EXOC4: variants seen among roughly 807,000 people sequenced by gnomAD.
EXOC4 encodes the protein exocyst complex component 4, also known as SEC8-like 1.
EXOC4 carries 71 observed loss-of-function variants against 107.2 expected under a neutral mutation model. The observed-to-expected ratio is 0.66, with a 90% confidence interval of 0.55 to 0.81. The LOEUF (loss-of-function observed/expected upper bound fraction) is 0.81, where lower values mean the gene tolerates loss of function less well. Ranked by LOEUF, EXOC4 falls within the 30% of genes least tolerant of loss-of-function variation. The probability of loss-of-function intolerance (pLI) is 0.00; values close to 1 mark genes in which losing one functional copy is unlikely to be tolerated. For missense variants in EXOC4, 1,108 were observed against 1,189.6 expected, an observed-to-expected ratio of 0.93 and a Z score of 1.01; for synonymous variants, 456 against 441.2, an observed-to-expected ratio of 1.03 and a Z score of -0.42.
chr7:133,533,970 A>T (rs1241712128), intron 9 of EXOC4, among the ~76,000 whole-genome samples: 1 of 152,178 alleles, frequency 6.6e-6, no homozygotes, highest in Non-Finnish European at 1.5e-5. Context: ...AAAGGATCTA[A>T]CTTCAAGTCT....
At chr7:133,845,530 G>T (rs1027477997) in intron 11 of EXOC4, among the ~76,000 whole-genome samples, 1 of 151,612 alleles carries the variant, frequency 6.6e-6, no homozygotes, top group Non-Finnish European at 1.5e-5. Flanking sequence ...TCCAGTATTT[G>T]CTTCTCTTAG....
chr7:133,928,273 G>T (rs531270992), intron 13 of EXOC4, among the ~76,000 whole-genome samples: 1 of 152,266 alleles, frequency 6.6e-6, no homozygotes, highest in South Asian at 2.1e-4. Flanking sequence ...GTGGTGGTGG[G>T]CAGGATGCCT....
intron 10 of EXOC4, among the ~76,000 whole-genome samples, chr7:133,678,083 T>C (rs1794105006): frequency 6.6e-6 from 1 of 152,216 alleles, no homozygotes; most frequent in Non-Finnish European, 1.5e-5. Context: ...GCAGTAAAGC[T>C]GCTATATAAA....
At chr7:133,835,464 C>G (rs1797899327) in intron 11 of EXOC4, among the ~76,000 whole-genome samples, 1 of 152,150 alleles carries the variant, frequency 6.6e-6, no homozygotes, top group Admixed American at 6.5e-5. Context: ...AGATAAGAGA[C>G]AAAGGGTTGC....
intron 10 of EXOC4, among the ~76,000 whole-genome samples, chr7:133,666,308 A>G (rs1793812199): frequency 6.6e-6 from 1 of 152,160 alleles, no homozygotes; most frequent in Non-Finnish European, 1.5e-5. Flanking sequence ...CTGACCTTTT[A>G]AAAATTTTAT....
chr7:133,787,966 TATATATATATATATATATATATA>T lies in EXOC4; in HGVS notation c.1515-29358_1515-29336del, dbSNP rs1796619088. On this transcript the variant is annotated intron_variant, in intron 10 of 17. Transcript: ENST00000253861. ...CCCTGTGCATATATTTATATATTTA[TATATATATATATATATATATATA>T]TATATATATATATATATATATATGG... Among the ~76,000 whole-genome samples the T allele has an allele frequency of 3.0e-4, 5 of 16,492 alleles. 1 individual carries two copies. Among genetic ancestry groups the T allele is most frequent in the African/African-American group, 1.1e-3 (5 of 4,648 alleles). The allele number at this position is 16,492 out of a possible 152,430, so 10.8% of individuals were successfully genotyped here. A position where few individuals can be genotyped will look rare whatever the true frequency, so the allele number is the denominator to read the frequency against.
chr7:133,564,218 C>T (rs757829236), intron 9 of EXOC4, among the ~76,000 whole-genome samples: 4 of 152,114 alleles, frequency 2.6e-5, no homozygotes, highest in Non-Finnish European at 4.4e-5. Flanking sequence ...GGGAAGGCCT[C>T]AGGAAACCTT....
chr7:133,970,261 TG>T (rs2116870848), intron 14 of EXOC4, among the ~76,000 whole-genome samples: 1 of 152,254 alleles, frequency 6.6e-6, no homozygotes, highest in South Asian at 2.1e-4. Context: ...TTCAAGCTAG[TG>T]GATCTTAGCT....
In EXOC4 at chr7:134,055,521, A is replaced by G. The variant is rs1011131428; in HGVS notation, c.2688-8770A>G. Among the ~76,000 whole-genome samples the G allele has an allele frequency of 5.9e-5, 9 of 152,342 alleles. No individual in the cohort carries two copies. In the South Asian group the frequency reaches 1.0e-3, roughly 18 times the overall value. ...GGGAGCATATGTTCCCATCAAAGCC[A>G]TGAAGTCCATTCCTGTTCCCACTGA... On this transcript the variant is annotated intron_variant, in intron 17 of 17. Coordinates refer to ENST00000253861, the MANE Select transcript of EXOC4 (RefSeq NM_021807.4).
chr7:133,326,749 A>G (rs1321424335), intron 5 of EXOC4, among the ~76,000 whole-genome samples: 3 of 152,316 alleles, frequency 2.0e-5, no homozygotes, highest in African/African-American at 7.2e-5. Context: ...AGACAGGGAC[A>G]TTTAAGTCTG....
At chr7:133,382,182 G>A (rs1796633103) in intron 7 of EXOC4, among the ~76,000 whole-genome samples, 1 of 152,136 alleles carries the variant, frequency 6.6e-6, no homozygotes, top group Non-Finnish European at 1.5e-5. Flanking sequence ...ATTACTTGAG[G>A]TATTGTTTAG....
chr7:134,054,221 A>G (rs975628813), intron 17 of EXOC4, among the ~76,000 whole-genome samples: 3 of 152,198 alleles, frequency 2.0e-5, no homozygotes, highest in African/African-American at 7.2e-5. Flanking sequence ...TGCTGGGATT[A>G]CAGAACTTGT....
intron 10 of EXOC4, among the ~76,000 whole-genome samples, chr7:133,670,208 G>T (rs1267900036): frequency 1.3e-5 from 2 of 152,208 alleles, no homozygotes; most frequent in Non-Finnish European, 2.9e-5. Flanking sequence ...TCAGGTTGCA[G>T]AGTCTTTGGG....
At position 133,688,428 on chromosome 7, in the gene EXOC4, G is replaced by T. The variant is rs77930546; in HGVS notation, c.1514+58287G>T. Among the ~76,000 whole-genome samples the T allele has an allele frequency of 5.4e-3, 824 of 152,222 alleles. 9 individuals carry two copies. Among genetic ancestry groups the T allele is most frequent in the African/African-American group, 0.019 (771 of 41,526 alleles). On this transcript the variant is annotated intron_variant, in intron 10 of 17. Transcript: ENST00000253861. Reference sequence around the variant, plus strand: ...CAGCTTTTTACTTTGAGTCCCAGTGGATTAGCGATTTTACTTTACTCTAGA... The same window carrying T: ...CAGCTTTTTACTTTGAGTCCCAGTGTATTAGCGATTTTACTTTACTCTAGA...
intron 13 of EXOC4, among the ~76,000 whole-genome samples, chr7:133,936,952 C>T (rs62470435): frequency 0.1 from 15,937 of 152,216 alleles, 919 homozygotes; most frequent in Middle Eastern, 0.17. Context: ...TGAGCCACTG[C>T]GCCCGGCCTT....
At chr7:133,534,433 C>T (rs1052188210) in intron 9 of EXOC4, among the ~76,000 whole-genome samples, 2 of 152,158 alleles carry the variant, frequency 1.3e-5, no homozygotes, top group Non-Finnish European at 2.9e-5. Context: ...CATCATTCCT[C>T]TTCATCAATG....
chr7:133,299,727 C>T (rs1053017091), intron 3 of EXOC4, among the ~76,000 whole-genome samples: 1 of 152,078 alleles, frequency 6.6e-6, no homozygotes, highest in African/African-American at 2.4e-5. Flanking sequence ...ATCTTGCAGG[C>T]CCCCCTCCCT....
At chr7:134,033,335 A>G (rs1421869187) in intron 17 of EXOC4, among the ~76,000 whole-genome samples, 2 of 152,202 alleles carry the variant, frequency 1.3e-5, no homozygotes, top group Non-Finnish European at 2.9e-5. Flanking sequence ...ATCCTAGGAA[A>G]TATTTAGGGA....
At chr7:134,099,084 AC>A in the EXOC4 span, among the ~76,000 whole-genome samples, 1 of 151,946 alleles carries the variant, frequency 6.6e-6, no homozygotes, top group African/African-American at 2.4e-5. Flanking sequence ...TTAAGTCTTA[AC>A]CCCCCAGTAC....
Sources: allele counts gnomAD v4.1 joint callset (sites outside exome capture counted in the v4.1 genomes callset), GRCh38; gene constraint gnomAD v4.1.1; transcripts MANE v1.5; gene names NCBI Gene and HGNC (gene_info 2026-07-23, HGNC 2026-07-21).